Variants in SDK1 observed in about 807,000 individuals in gnomAD.
The protein encoded by SDK1 is sidekick cell adhesion molecule 1, also known as protein sidekick-1.
SDK1 carries 157 observed loss-of-function variants against 245.5 expected under a neutral mutation model. The observed-to-expected ratio is 0.64, with a 90% confidence interval of 0.56 to 0.73. SDK1 has a LOEUF of 0.73. Ranked by LOEUF, SDK1 falls within the 30% of genes least tolerant of loss-of-function variation. The probability of loss-of-function intolerance (pLI) is 0.00; values close to 1 mark genes in which losing one functional copy is unlikely to be tolerated. For missense variants in SDK1, 3,583 were observed against 3,002.3 expected, an observed-to-expected ratio of 1.19 and a Z score of -4.52; for synonymous variants, 1,647 against 1,278.5, an observed-to-expected ratio of 1.29 and a Z score of -6.15.
intron 1 of SDK1, among the ~76,000 whole-genome samples, chr7:3,352,722 CT>C (rs948227658): frequency 2.7e-5 from 4 of 150,896 alleles, no homozygotes; most frequent in South Asian, 2.1e-4. Context: ...AGAGATTTTT[CT>C]TTTTTTTTCA....
chr7:3,460,585 C>G lies in SDK1; in HGVS notation c.299-158495C>G, dbSNP rs192920407. ...TACACCAAAATCTCATTCACAGATT[C>G]CAGATTTAATGACCTGAATCTTGCC... On this transcript the variant is annotated intron_variant, in intron 1 of 44. Transcript: ENST00000404826. Among the ~76,000 whole-genome samples, 183 of 152,240 alleles carry G rather than the reference C, an allele frequency of 1.2e-3. 3 individuals carry two copies. The highest frequency in any genetic ancestry group is 4.3e-3 in the African/African-American group (177 of 41,554).
At chr7:3,752,667 C>T (rs542466283) in intron 4 of SDK1, among the ~76,000 whole-genome samples, 1 of 152,084 alleles carries the variant, frequency 6.6e-6, no homozygotes, top group Non-Finnish European at 1.5e-5. Context: ...CTTTTTTCCT[C>T]ATCCTCTAAC....
At chr7:3,478,250 A>G (rs988428118) in intron 1 of SDK1, among the ~76,000 whole-genome samples, 2 of 152,138 alleles carry the variant, frequency 1.3e-5, no homozygotes, top group East Asian at 3.8e-4. Context: ...GTTTTATGAA[A>G]TAACTTCTTG....
intron 35 of SDK1, among the ~76,000 whole-genome samples, chr7:4,196,773 G>A (rs1783603249): frequency 1.3e-5 from 2 of 152,224 alleles, no homozygotes; most frequent in East Asian, 1.9e-4. Flanking sequence ...TGCCATCCCA[G>A]GCACACAGAT....
intron 17 of SDK1, among the ~76,000 whole-genome samples, chr7:4,023,601 G>A (rs1446962530): frequency 1.3e-5 from 2 of 152,130 alleles, no homozygotes; most frequent in East Asian, 1.9e-4. Context: ...AAAATTCCGC[G>A]GAGTGTAAGT....
intron 1 of SDK1, among the ~76,000 whole-genome samples, chr7:3,591,555 A>G (rs1196731659): frequency 7.9e-5 from 12 of 152,252 alleles, no homozygotes; most frequent in Admixed American, 3.3e-4. Flanking sequence ...AACAAATTGC[A>G]GTAATCACTG....
At chr7:3,828,232 C>G (rs1284524457) in intron 5 of SDK1, among the ~76,000 whole-genome samples, 1 of 151,918 alleles carries the variant, frequency 6.6e-6, no homozygotes, top group Non-Finnish European at 1.5e-5. Context: ...GAGCCGAGAT[C>G]ACTCCACTGC....
At chr7:3,495,700 C>T (rs1782004791) in intron 1 of SDK1, among the ~76,000 whole-genome samples, 1 of 152,262 alleles carries the variant, frequency 6.6e-6, no homozygotes, top group Non-Finnish European at 1.5e-5. Context: ...CTGCGTCAGT[C>T]TTCAGTGTTA....
intron 4 of SDK1, among the ~76,000 whole-genome samples, chr7:3,734,213 T>G (rs546699350): frequency 2.0e-5 from 3 of 152,330 alleles, no homozygotes; most frequent in Non-Finnish European, 4.4e-5. Flanking sequence ...TACATTTCTT[T>G]GTATCATTAG....
At chr7:3,390,259 G>C (rs1258315784) in intron 1 of SDK1, among the ~76,000 whole-genome samples, 1 of 152,154 alleles carries the variant, frequency 6.6e-6, no homozygotes, top group African/African-American at 2.4e-5. Context: ...ACTATACTTT[G>C]AATAGCAGGG....
intron 1 of SDK1, among the ~76,000 whole-genome samples, chr7:3,568,694 T>G (rs1780005186): frequency 1.3e-5 from 2 of 152,220 alleles, no homozygotes; most frequent in Admixed American, 6.5e-5. Context: ...TTTATGACTC[T>G]TTCTGTGGTG....
At chr7:3,796,230 G>A (rs530043865) in intron 4 of SDK1, among the ~76,000 whole-genome samples, 27 of 152,310 alleles carry the variant, frequency 1.8e-4, no homozygotes, top group South Asian at 1.2e-3. Flanking sequence ...AATGTAATGC[G>A]GTCTTTAAGT....
At position 4,268,548 on chromosome 7, in the gene SDK1, C is replaced by T. The variant is rs1439158922; in HGVS notation, c.*3164C>T. ...CACACGGAACGCGCCTCCACAGCCCCGGGAGGTGGCTCACTCTGTACAGGT... is the reference window on the plus strand; with the variant it reads ...CACACGGAACGCGCCTCCACAGCCCTGGGAGGTGGCTCACTCTGTACAGGT... On this transcript the variant is annotated 3_prime_UTR_variant, in exon 45 of 45. Coordinates refer to ENST00000404826, the MANE Select transcript of SDK1 (RefSeq NM_152744.4). The T allele has an allele frequency of 3.9e-5, 50 of 1,290,016 alleles. No individual in the cohort carries two copies. The highest frequency in any genetic ancestry group is 3.0e-4 in the Admixed American group (14 of 46,010). The allele number at this position is 1,290,016 out of a possible 1,614,324, so 79.9% of individuals were successfully genotyped here.
At chr7:4,092,564 G>A (rs1445280943) in intron 22 of SDK1, among the ~76,000 whole-genome samples, 1 of 152,158 alleles carries the variant, frequency 6.6e-6, no homozygotes, top group East Asian at 1.9e-4. Flanking sequence ...GAGACTCCAG[G>A]GCTGCCTCTC....
chr7:4,181,380 TTG>T (rs1782594553), intron 35 of SDK1, among the ~76,000 whole-genome samples: 1 of 152,214 alleles, frequency 6.6e-6, no homozygotes, highest in South Asian at 2.1e-4. Flanking sequence ...CCTTTTAGAC[TTG>T]TGAGTGTGCT....
At chr7:3,675,490 G>A (rs1183318052) in intron 4 of SDK1, among the ~76,000 whole-genome samples, 4 of 152,218 alleles carry the variant, frequency 2.6e-5, no homozygotes, top group Middle Eastern at 3.4e-3. Context: ...AAATGCTGGA[G>A]TACTTAAAGT....
At chr7:4,125,258 A>G (rs1784316384) in intron 25 of SDK1, among the ~76,000 whole-genome samples, 1 of 145,584 alleles carries the variant, frequency 6.9e-6, no homozygotes, top group African/African-American at 2.6e-5. Flanking sequence ...GAATGGATGG[A>G]TGGGTGATGG....
chr7:3,909,648 G>T (rs578192804), intron 5 of SDK1, among the ~76,000 whole-genome samples: 1 of 152,324 alleles, frequency 6.6e-6, no homozygotes, highest in African/African-American at 2.4e-5. Context: ...GCGCTCTCCA[G>T]TATGAGGCTG....
intron 5 of SDK1, among the ~76,000 whole-genome samples, chr7:3,865,273 G>C (rs559394434): frequency 6.6e-6 from 1 of 152,316 alleles, no homozygotes; most frequent in South Asian, 2.1e-4. Context: ...TCCTGAAGAA[G>C]TGAGAATGGG....
Sources: gnomAD v4.1 joint callset for allele counts (sites outside exome capture counted in the v4.1 genomes callset) on GRCh38, gnomAD v4.1.1 for gene constraint, MANE v1.5 for transcripts, NCBI Gene and HGNC (gene_info 2026-07-23, HGNC 2026-07-21) for gene names.